Variants in SCML1 observed in about 807,000 individuals in gnomAD.
SCML1 encodes the protein sex comb on midleg-like protein 1.
For missense variants in SCML1, 137 were observed against 258.1 expected (o/e 0.53, Z 3.22); for synonymous variants, 104 against 103.6 (o/e 1.00, Z -0.02).
At chrX:17,745,594 G>T in intron 3 of SCML1, 55 bp downstream of exon 3, 1 of 707,513 alleles carries the variant, frequency 1.4e-6, no homozygotes, top group South Asian at 2.6e-5. Context: ...TAAAGGAAAA[G>T]ATGTAAATTC....
At position 17,751,797 on chromosome X, in the gene SCML1, TCCCCC is replaced by T; in HGVS notation, c.704-17_704-13del. The T allele has an allele frequency of 8.3e-7, 1 of 1,202,584 alleles. No homozygotes were observed. The highest frequency in any genetic ancestry group is 2.2e-5 in the Admixed American group (1 of 45,004). On this transcript the variant is annotated splice_polypyrimidine_tract_variant and intron_variant, in intron 6 of 7. Transcript: ENST00000380041. ...AGTGTGATTTGTCTTTTTTTTCTTT[TCCCCC>T]TCTCCATTGAAGTTACAAGGTCACC...
chrX:17,752,537 A>G (rs975701280), intron 7 of SCML1, among the ~76,000 whole-genome samples: 2 of 112,614 alleles, frequency 1.8e-5, no homozygotes, highest in African/African-American at 6.5e-5. Flanking sequence ...TTGTACTATA[A>G]GGGATTTCAG....
At position 17,750,094 on chromosome X, in the gene SCML1, G is replaced by A; in HGVS notation, c.504G>A (p.Glu168=). 1.7e-6 allele frequency: 2 copies of A among 1,212,014 alleles called. No individual in the cohort carries two copies. Among genetic ancestry groups the A allele is most frequent in the Non-Finnish European group, 2.2e-6 (2 of 895,467 alleles). The change falls in exon 6 of 8, where the codon GAG becomes GAA. Residue 168 remains glutamate, a synonymous_variant. Coordinates refer to ENST00000380041, the MANE Select transcript of SCML1 (RefSeq NM_001037540.3). Reference sequence around the variant, plus strand: ...GCATGGAAGAATACCAGCGAGCTGAGCTGGAGGAGGACCCGATCCTCAGCC... The same window carrying A: ...GCATGGAAGAATACCAGCGAGCTGAACTGGAGGAGGACCCGATCCTCAGCC... The part of the protein sequence containing the change: ...SFCMEEYQRA[E]LEEDPILSRT...
intron 1 of SCML1, among the ~76,000 whole-genome samples, chrX:17,741,925 A>G (rs141186228): frequency 8.9e-6 from 1 of 112,262 alleles, no homozygotes; most frequent in African/African-American, 3.2e-5. Flanking sequence ...AGAATACCTA[A>G]TCAAAGAATC....
chrX:17,753,187 A>C (rs974736972), intron 7 of SCML1, 71 bp from the exon 8 acceptor site: 2 of 931,738 alleles, frequency 2.1e-6, no homozygotes, highest in Admixed American at 6.9e-5. Flanking sequence ...ACATGTTCTC[A>C]TAAAGAACTA....
rs2066736642 is a variant in SCML1 at position 17,753,696 on chromosome X, C to A, written c.*304C>A. ...CAAGAAACAGAAAAAAAAAAAAACCCTTTGATTCTGGTTCATCTCGATACA... is the reference window on the plus strand; with the variant it reads ...CAAGAAACAGAAAAAAAAAAAAACCATTTGATTCTGGTTCATCTCGATACA... On this transcript the variant is annotated 3_prime_UTR_variant, in exon 8 of 8. Coordinates refer to ENST00000380041, the MANE Select transcript of SCML1 (RefSeq NM_001037540.3). The A allele has an allele frequency of 8.5e-6, 1 of 117,024 alleles. No homozygotes were observed. Among genetic ancestry groups the A allele is most frequent in the Non-Finnish European group, 1.7e-5 (1 of 57,685 alleles). 9.6% of individuals were successfully genotyped at this position (117,024 alleles called of 1,213,427 possible).
At chrX:17,746,651 G>A (rs2066644507) in intron 4 of SCML1, among the ~76,000 whole-genome samples, 1 of 112,225 alleles carries the variant, frequency 8.9e-6, no homozygotes, top group Admixed American at 9.4e-5. Flanking sequence ...AATGGAATGA[G>A]CTAACATACT....
At chrX:17,750,318 A>G (rs367875804) in intron 6 of SCML1, 25 bp downstream of exon 6, 8 of 1,175,523 alleles carry the variant, frequency 6.8e-6, no homozygotes, top group African/African-American at 3.5e-5. Context: ...GGAGAGCCCA[A>G]TTTGGTACAT....
intron 6 of SCML1, 40 bp downstream of exon 6, chrX:17,750,333 CT>C (rs777232920): frequency 8.8e-7 from 1 of 1,141,022 alleles, no homozygotes; most frequent in South Asian, 2.1e-5. Context: ...GTACATGCCC[CT>C]GAGATGATGA....
intron 3 of SCML1, 35 bp from the exon 4 acceptor site, chrX:17,745,983 A>G: frequency 1.0e-6 from 1 of 963,392 alleles, no homozygotes; most frequent in Non-Finnish European, 1.5e-6. Flanking sequence ...GCTGTTACAG[A>G]AATAAATCAT....
At chrX:17,743,633 G>A (rs777611767) in intron 1 of SCML1, among the ~76,000 whole-genome samples, 1 of 111,876 alleles carries the variant, frequency 8.9e-6, no homozygotes, top group South Asian at 3.8e-4. Flanking sequence ...TGGTGGATGA[G>A]GAGGTGGTGT....
At chrX:17,749,024 T>C (rs187481372) in intron 4 of SCML1, among the ~76,000 whole-genome samples, 1 of 112,765 alleles carries the variant, frequency 8.9e-6, no homozygotes, top group Admixed American at 9.3e-5. Context: ...GTTACATATG[T>C]ATATCATAAA....
At chrX:17,744,349 A>G (rs1242332891) in intron 2 of SCML1, 130 bp downstream of exon 2, 3 of 454,843 alleles carry the variant, frequency 6.6e-6, no homozygotes, top group Non-Finnish European at 1.1e-5. Flanking sequence ...TTTTAACAGT[A>G]ATATATAAAG....
intron 1 of SCML1, among the ~76,000 whole-genome samples, chrX:17,738,702 C>G (rs2066565133): frequency 9.0e-6 from 1 of 111,653 alleles, no homozygotes. Flanking sequence ...CCTTGCGCCT[C>G]CGGAGCGAAT....
chrX:17,754,497 G>A lies in SCML1; in HGVS notation c.*1105G>A, dbSNP rs1411494913. 36 of 112,486 alleles carry A rather than the reference G, an allele frequency of 3.2e-4. No individual in the cohort carries two copies. The Admixed American group carries it at 3.4e-3, about 11-fold the overall frequency. The allele number at this position is 112,486 out of a possible 1,213,427, so 9.3% of individuals were successfully genotyped here. ...CCTATGCAATGTTTCTAATTAATTT[G>A]CTTAATTCTGAGCCATTAATCCTGC... On this transcript the variant is annotated 3_prime_UTR_variant, in exon 8 of 8. Transcript: ENST00000380041.
At chrX:17,753,050 C>T (rs752259700) in intron 7 of SCML1, among the ~76,000 whole-genome samples, 2 of 109,616 alleles carry the variant, frequency 1.8e-5, no homozygotes, top group Non-Finnish European at 3.8e-5. Flanking sequence ...TTTCTCAGAA[C>T]TTGAAATGAG....
rs1029055859 is a variant in SCML1, at chrX:17,754,300, T to A, written c.*908T>A. ...ATTCACACAATCTTTTTAAAAAAAA[T>A]TTGAAATGGCATTTTGTATTGCCAC... On this transcript the variant is annotated 3_prime_UTR_variant, in exon 8 of 8. Coordinates refer to ENST00000380041, the MANE Select transcript of SCML1 (RefSeq NM_001037540.3). 1.8e-5 allele frequency: 2 copies of A among 112,338 alleles called. No homozygotes were observed. Among genetic ancestry groups the A allele is most frequent in the Non-Finnish European group, 3.8e-5 (2 of 53,227 alleles). The allele number at this position is 112,338 out of a possible 1,213,427, so 9.3% of individuals were successfully genotyped here.
At chrX:17,742,312 A>G in intron 1 of SCML1, among the ~76,000 whole-genome samples, 1 of 112,371 alleles carries the variant, frequency 8.9e-6, no homozygotes, top group South Asian at 3.7e-4. Context: ...CCATCTCACC[A>G]ATGTAAGATC....
intron 1 of SCML1, among the ~76,000 whole-genome samples, chrX:17,741,235 C>A (rs2066592193): frequency 9.0e-6 from 1 of 111,623 alleles, no homozygotes; most frequent in African/African-American, 3.3e-5. Context: ...AGATCCCTCG[C>A]ATGTGCAGTT....
Sources: gnomAD v4.1 joint callset for allele counts (sites outside exome capture counted in the v4.1 genomes callset) on GRCh38, gnomAD v4.1.1 for gene constraint, MANE v1.5 for transcripts, NCBI Gene and HGNC (gene_info 2026-07-23, HGNC 2026-07-21) for gene names.